Variants in CDH17 observed in about 807,000 individuals in gnomAD.
The protein encoded by CDH17 is cadherin 17, also known as cadherin-17.
CDH17 carries 67 observed loss-of-function variants against 86.3 expected under a neutral mutation model. The observed-to-expected ratio is 0.78, with a 90% CI of 0.64 to 0.95. The LOEUF is 0.95. Ranked by LOEUF, CDH17 falls within the 40% of genes least tolerant of loss-of-function variation. The pLI, the probability that CDH17 is intolerant of heterozygous loss-of-function variation, is 0.00. For synonymous variants in CDH17, 367 were observed against 366.4 expected, an observed-to-expected ratio of 1.00 and a Z score of -0.02; for missense variants, 993 against 1,017.6, an observed-to-expected ratio of 0.98 and a Z score of 0.33.
intron 9 of CDH17, among the ~76,000 whole-genome samples, chr8:94,166,229 C>T (rs549539094): frequency 5.9e-5 from 9 of 152,268 alleles, no homozygotes; most frequent in African/African-American, 2.2e-4. Context: ...TTCTGGAGGC[C>T]AGAAGTCTGC....
intron 14 of CDH17, among the ~76,000 whole-genome samples, chr8:94,148,306 T>A (rs573062003): frequency 6.6e-6 from 1 of 151,654 alleles, no homozygotes; most frequent in South Asian, 2.1e-4. Flanking sequence ...CTTTGGGAGG[T>A]GGAGGCAGGC....
intron 3 of CDH17, among the ~76,000 whole-genome samples, chr8:94,179,783 C>T (rs1219840359): frequency 6.6e-6 from 1 of 152,194 alleles, no homozygotes; most frequent in East Asian, 1.9e-4. Flanking sequence ...ACAAAGAATA[C>T]AGACTTTACA....
chr8:94,189,403 C>G, intron 2 of CDH17, 118 bp from the exon 3 acceptor site: 1 of 698,058 alleles, frequency 1.4e-6, no homozygotes, highest in Non-Finnish European at 2.4e-6. Flanking sequence ...TGGCTGAAAT[C>G]TGATCAAAAC....
chr8:94,135,761 C>T (rs1306709644), intron 15 of CDH17, among the ~76,000 whole-genome samples: 1 of 152,172 alleles, frequency 6.6e-6, no homozygotes, highest in Non-Finnish European at 1.5e-5. Flanking sequence ...ATGGTCTTTA[C>T]AATTTGGCAT....
chr8:94,131,014 A>G, intron 15 of CDH17, 22 bp from the exon 16 acceptor site: 1 of 1,229,748 alleles, frequency 8.1e-7, no homozygotes, highest in Non-Finnish European at 1.2e-6. Flanking sequence ...GGAAAAAAAA[A>G]TGAAAATACA....
chr8:94,155,610 A>G (rs1047655456), intron 12 of CDH17, among the ~76,000 whole-genome samples: 23 of 152,196 alleles, frequency 1.5e-4, no homozygotes, highest in Non-Finnish European at 3.2e-4. Flanking sequence ...TGTGCAAATG[A>G]GAAGCAGCCT....
At position 94,163,910 on chromosome 8, in the gene CDH17, G is replaced by C. The variant is rs555526442; in HGVS notation, c.1283-1748C>G. 2.4e-4 allele frequency among the ~76,000 whole-genome samples: 37 copies of C among 152,292 alleles called. 1 individual carries two copies. Among genetic ancestry groups the C allele is most frequent in the Admixed American group, 8.5e-4 (13 of 15,294 alleles). On this transcript the variant is annotated intron_variant, in intron 10 of 17. Coordinates refer to ENST00000027335, the MANE Select transcript of CDH17 (RefSeq NM_004063.4). Reference sequence around the variant, plus strand: ...ACACACCTCGTTTGACCAGCAGTGGGCCTTTCTGGGTAAAAGGCCTTCCCT... The same window carrying C: ...ACACACCTCGTTTGACCAGCAGTGGCCCTTTCTGGGTAAAAGGCCTTCCCT...
chr8:94,177,805 A>G, intron 3 of CDH17, 84 bp from the exon 4 acceptor site: 1 of 1,361,180 alleles, frequency 7.3e-7, no homozygotes, highest in Non-Finnish European at 1.0e-6. Flanking sequence ...ATTTCAGGTA[A>G]AATTTTCATT....
chr8:94,139,465 T>G (rs1812593662), intron 15 of CDH17, among the ~76,000 whole-genome samples: 1 of 152,108 alleles, frequency 6.6e-6, no homozygotes, highest in Non-Finnish European at 1.5e-5. Context: ...AGATCCAAGA[T>G]GATCATCAAA....
chr8:94,134,804 T>C (rs1812490262), intron 15 of CDH17, among the ~76,000 whole-genome samples: 2 of 152,244 alleles, frequency 1.3e-5, no homozygotes, highest in South Asian at 4.1e-4. Context: ...TTTAATGCTA[T>C]AAATTTCCCT....
rs1220498103 is a variant in CDH17 at position 94,128,235 on chromosome 8, C to T, written c.*5G>A. 1 of 1,590,950 alleles carries T rather than the reference C, an allele frequency of 6.3e-7. No individual in the cohort carries two copies. The highest frequency in any genetic ancestry group is 8.6e-7 in the Non-Finnish European group (1 of 1,159,974). ...CTATATAAATTCAAACATTCCTTTT[C>T]AAATTCAGCTTCTCAGAGGTTTGAC... is the stretch of plus-strand genomic sequence containing the variant. On this transcript the variant is annotated 3_prime_UTR_variant, in exon 18 of 18. Coordinates refer to ENST00000027335, the MANE Select transcript of CDH17 (RefSeq NM_004063.4).
intron 3 of CDH17, among the ~76,000 whole-genome samples, chr8:94,186,855 G>A (rs1454768989): frequency 2.0e-5 from 3 of 152,186 alleles, no homozygotes; most frequent in Non-Finnish European, 4.4e-5. Context: ...ATAGGACGAA[G>A]GGCTAGTCCA....
At chr8:94,167,967 G>A (rs1417256550) in intron 9 of CDH17, among the ~76,000 whole-genome samples, 2 of 151,084 alleles carry the variant, frequency 1.3e-5, no homozygotes, top group African/African-American at 4.9e-5. Context: ...TTTTATGAGA[G>A]TCTAAATTTT....
At chr8:94,161,955 T>C (rs1813061249) in intron 11 of CDH17, 131 bp downstream of exon 11, 1 of 606,510 alleles carries the variant, frequency 1.6e-6, no homozygotes, top group African/African-American at 1.9e-5. Context: ...ATCTGGGTTA[T>C]TTGTGCACTG....
intron 5 of CDH17, 41 bp downstream of exon 5, chr8:94,176,500 C>T: frequency 6.8e-6 from 11 of 1,608,784 alleles, no homozygotes; most frequent in Non-Finnish European, 9.3e-6. Flanking sequence ...ACCTGACACC[C>T]TTCCATCTTT....
In CDH17 at chr8:94,165,654, T is replaced by C. The variant is rs771550538; in HGVS notation, c.1282+107A>G. 8.9e-6 allele frequency: 7 copies of C among 789,074 alleles called. No individual in the cohort carries two copies. In the African/African-American group the frequency reaches 1.2e-4, roughly 13 times the overall value. The allele number at this position is 789,074 out of a possible 1,614,324, so 48.9% of individuals were successfully genotyped here. ...TGTTTCACAAAGGAAGCAAAGAATG[T>C]TTAAATGGCATCATTCTATAACATA... On this transcript the variant is annotated intron_variant, in intron 10 of 17. Coordinates refer to ENST00000027335, the MANE Select transcript of CDH17 (RefSeq NM_004063.4).
intron 3 of CDH17, among the ~76,000 whole-genome samples, chr8:94,183,386 T>C (rs1483427802): frequency 1.3e-5 from 2 of 152,112 alleles, no homozygotes; most frequent in Non-Finnish European, 2.9e-5. Context: ...CATAAACATA[T>C]ATAGATCAAT....
At chr8:94,149,003 T>C in intron 13 of CDH17, 129 bp from the exon 14 acceptor site, 1 of 631,790 alleles carries the variant, frequency 1.6e-6, no homozygotes, top group Non-Finnish European at 2.5e-6. Flanking sequence ...CAAATGATAA[T>C]GCTGAGATTA....
chr8:94,174,209 G>A lies in CDH17; in HGVS notation c.476C>T (p.Pro159Leu), dbSNP rs1227701358. 3 of 1,613,478 alleles carry A rather than the reference G, an allele frequency of 1.9e-6. No individual in the cohort carries two copies. The highest frequency in any genetic ancestry group is 3.3e-4 in the Middle Eastern group (2 of 6,060). The change falls in exon 6 of 18, where the codon CCC becomes CTC. Residue 159 changes from proline to leucine, a missense_variant. Coordinates refer to ENST00000027335, the MANE Select transcript of CDH17 (RefSeq NM_004063.4). ...AATCTGGTAATAAAGCTGGCCATTG[G>A]GAGTGGCCGGATCATCCAGGTCTGT... ...NATDLDDPAT[P>L]NGQLYYQIVI...
Sources: gnomAD v4.1 joint callset for allele counts (sites outside exome capture counted in the v4.1 genomes callset) on GRCh38, gnomAD v4.1.1 for gene constraint, MANE v1.5 for transcripts, NCBI Gene and HGNC (gene_info 2026-07-23, HGNC 2026-07-21) for gene names.